ARFGEF1: variants seen among roughly 807,000 people sequenced by gnomAD.
ARFGEF1 encodes the protein ARF guanine nucleotide exchange factor 1.
ARFGEF1 carries 42 observed loss-of-function variants against 231.0 expected under a neutral mutation model. That is an observed-to-expected ratio of 0.18 (90% CI 0.14 to 0.24). The LOEUF is 0.24. ARFGEF1 is among the 10% of genes least tolerant of loss of function. The probability of loss-of-function intolerance (pLI) is 1.00; values close to 1 mark genes in which losing one functional copy is unlikely to be tolerated. For synonymous variants in ARFGEF1, 710 were observed against 732.3 expected (o/e 0.97, Z 0.49); for missense variants, 1,345 against 2,192.0 (o/e 0.61, Z 7.72).
intron 18 of ARFGEF1, 74 bp downstream of exon 18, chr8:67,253,377 C>T: frequency 4.5e-6 from 5 of 1,114,944 alleles, no homozygotes; most frequent in Non-Finnish European, 6.3e-6. Flanking sequence ...CACACCTGAC[C>T]ATAAGTGAAA....
At chr8:67,320,469 A>G (rs781231581) in intron 1 of ARFGEF1, among the ~76,000 whole-genome samples, 3 of 152,164 alleles carry the variant, frequency 2.0e-5, no homozygotes, top group Non-Finnish European at 2.9e-5. Flanking sequence ...AGTTAAACAT[A>G]TACTTACCAT....
At chr8:67,233,444 T>C (rs1839617150) in intron 22 of ARFGEF1, among the ~76,000 whole-genome samples, 1 of 152,014 alleles carries the variant, frequency 6.6e-6, no homozygotes, top group African/African-American at 2.4e-5. Context: ...GTTCCACATG[T>C]TGGAGAGGAG....
intron 4 of ARFGEF1, among the ~76,000 whole-genome samples, chr8:67,297,078 T>C (rs2128912836): frequency 6.6e-6 from 1 of 152,364 alleles, no homozygotes; most frequent in Middle Eastern, 3.4e-3. Flanking sequence ...GCCTTGAATA[T>C]ATCATCAACT....
chr8:67,278,404 A>G (rs1446272044), intron 7 of ARFGEF1, among the ~76,000 whole-genome samples: 1 of 152,240 alleles, frequency 6.6e-6, no homozygotes, highest in Non-Finnish European at 1.5e-5. Flanking sequence ...CTGGTACTCA[A>G]TAAGTGGTAG....
rs1491555936 is a variant in ARFGEF1, at chr8:67,218,207, A to AAAATAT, written c.4339-70_4339-69insATATTT. On this transcript the variant is annotated intron_variant, in intron 30 of 38. Coordinates refer to ENST00000262215, the MANE Select transcript of ARFGEF1 (RefSeq NM_006421.5). ...TACTATGATTAAAAAAAAAAAAAAA[A>AAAATAT]ATATATATATATATATATATATATA... 3.4e-3 allele frequency: 315 copies of AAAATAT among 91,326 alleles called. 2 individuals are homozygous for AAAATAT. The highest frequency in any genetic ancestry group is 9.6e-3 in the South Asian group (27 of 2,800). 5.7% of individuals were successfully genotyped at this position (91,326 alleles called of 1,614,324 possible). A position where few individuals can be genotyped will look rare whatever the true frequency, so the allele number is the denominator to read the frequency against.
chr8:67,295,268 G>GA, intron 5 of ARFGEF1, among the ~76,000 whole-genome samples: 1 of 152,216 alleles, frequency 6.6e-6, no homozygotes, highest in Non-Finnish European at 1.5e-5. Context: ...GATCTGAAGA[G>GA]AAACAGTATT....
In ARFGEF1 at chr8:67,259,755, A is replaced by G; in HGVS notation, c.2235+60T>C. ...TATAGCGAGACCCTGTCTCTAATAA[A>G]AAGAAAAAAAAATCCCAAGAATTTT... On this transcript the variant is annotated intron_variant, in intron 15 of 38. Transcript: ENST00000262215. The G allele has an allele frequency of 3.1e-6, 4 of 1,306,188 alleles. No homozygotes were observed. The South Asian group carries it at 4.0e-5, about 13-fold the overall frequency. 80.9% of individuals were successfully genotyped at this position (1,306,188 alleles called of 1,614,324 possible). A position where few individuals can be genotyped will look rare whatever the true frequency, so the allele number is the denominator to read the frequency against.
At chr8:67,334,612 A>C (rs756882421) in intron 1 of ARFGEF1, among the ~76,000 whole-genome samples, 7 of 152,194 alleles carry the variant, frequency 4.6e-5, no homozygotes, top group Non-Finnish European at 7.3e-5. Context: ...CGTCCACACA[A>C]AGACTTATAC....
intron 5 of ARFGEF1, among the ~76,000 whole-genome samples, chr8:67,187,127 C>G (rs1396292914): frequency 6.6e-6 from 1 of 152,054 alleles, no homozygotes; most frequent in Non-Finnish European, 1.5e-5. Flanking sequence ...TCAGTATTGT[C>G]AAGATGTCAG....
chr8:67,283,327 G>A lies in ARFGEF1; in HGVS notation c.1027+4628C>T, dbSNP rs549489041. Among the ~76,000 whole-genome samples, 586 of 152,020 alleles carry A rather than the reference G, an allele frequency of 3.9e-3. 3 individuals carry two copies. Among genetic ancestry groups the A allele is most frequent in the African/African-American group, 0.013 (556 of 41,450 alleles). ...CAATGTTTATAAAAAGCAAAAACCT[G>A]AAAATAATCTAAATGCTAGTATTAA... On this transcript the variant is annotated intron_variant, in intron 7 of 38. Coordinates refer to ENST00000262215, the MANE Select transcript of ARFGEF1 (RefSeq NM_006421.5).
intron 1 of ARFGEF1, among the ~76,000 whole-genome samples, chr8:67,336,627 T>C (rs1316848818): frequency 2.0e-5 from 3 of 152,180 alleles, no homozygotes; most frequent in Admixed American, 6.5e-5. Flanking sequence ...CATTTTCACA[T>C]GGACTTTTTC....
Position 67,292,035 on chromosome 8 carries a change from G to A in ARFGEF1, c.728C>T (p.Ser243Leu), listed in dbSNP as rs768829279. 1.2e-4 allele frequency: 187 copies of A among 1,613,870 alleles called. No homozygotes were observed. Among genetic ancestry groups the A allele is most frequent in the Admixed American group, 3.0e-4 (18 of 59,974 alleles). Residue 243 changes from serine (S) to leucine (L), a missense_variant, in exon 6 of 39, where the codon TCA (serine) becomes TTA (leucine). Physicochemically the swap from Ser to Leu is moderately radical, Grantham distance 145. Transcript: ENST00000262215. ...AGGTGGCAAATATCTAAGTTGAGGT[G>A]ATTCAGGCTCGTGATGGCTTACTGG... ...QSPVSHHEPE[S>L]PQLRYLPPQT...
intron 2 of ARFGEF1, among the ~76,000 whole-genome samples, chr8:67,302,092 G>A (rs1278111550): frequency 6.6e-6 from 1 of 151,950 alleles, no homozygotes; most frequent in Non-Finnish European, 1.5e-5. Context: ...CCAGGTACTC[G>A]GCAGGCTGAG....
chr8:67,337,649 CCT>C (rs1808410123), intron 1 of ARFGEF1, among the ~76,000 whole-genome samples: 1 of 151,656 alleles, frequency 6.6e-6, no homozygotes, highest in African/African-American at 2.4e-5. Flanking sequence ...CTTGCTATTT[CCT>C]GTTTCTATTT....
intron 1 of ARFGEF1, among the ~76,000 whole-genome samples, chr8:67,321,529 C>T (rs960069574): frequency 5.3e-5 from 8 of 152,216 alleles, no homozygotes; most frequent in Non-Finnish European, 2.9e-5. Flanking sequence ...GGTGCAATCT[C>T]GGCTCACTGA....
At chr8:67,194,398 G>A (rs1837298137), downstream of ARFGEF1, among the ~76,000 whole-genome samples, 1 of 152,144 alleles carries the variant, frequency 6.6e-6, no homozygotes, top group African/African-American at 2.4e-5. Context: ...CAGTCAAGGT[G>A]TGGTGTGTTC....
chr8:67,206,315 C>T (rs1382403688), intron 34 of ARFGEF1, among the ~76,000 whole-genome samples: 1 of 148,776 alleles, frequency 6.7e-6, no homozygotes, highest in Non-Finnish European at 1.5e-5. Context: ...GAGGCTGAGG[C>T]AGAAGAATGG....
chr8:67,333,418 C>G (rs997160400), intron 1 of ARFGEF1, among the ~76,000 whole-genome samples: 5 of 151,732 alleles, frequency 3.3e-5, no homozygotes, highest in African/African-American at 1.2e-4. Flanking sequence ...CAGCCTCAAC[C>G]TTCTGGGCCA....
At chr8:67,226,376 G>C (rs1386209875) in intron 27 of ARFGEF1, among the ~76,000 whole-genome samples, 193 bp from the exon 28 acceptor site, 2 of 152,020 alleles carry the variant, frequency 1.3e-5, no homozygotes, top group South Asian at 2.1e-4. Flanking sequence ...AGTAAAACTT[G>C]TCTGTTTTGT....
Sources: gnomAD v4.1 joint callset for allele counts (sites outside exome capture counted in the v4.1 genomes callset) on GRCh38, gnomAD v4.1.1 for gene constraint, MANE v1.5 for transcripts, NCBI Gene and HGNC (gene_info 2026-07-23, HGNC 2026-07-21) for gene names.